The following METTL3 variants were observed in gnomAD, a reference collection of about 807,000 sequenced individuals.
METTL3 encodes methyltransferase 3, N6-adenosine-methyltransferase complex catalytic subunit.
METTL3 carries 42 observed loss-of-function variants against 64.3 expected under a neutral mutation model. That is an observed-to-expected ratio of 0.65 (90% CI 0.51 to 0.84). The LOEUF (loss-of-function observed/expected upper bound fraction) is 0.84. Ranked by LOEUF, METTL3 falls within the 40% of genes least tolerant of loss-of-function variation. The pLI is 0.00. For synonymous variants in METTL3, 256 were observed against 263.6 expected, an observed-to-expected ratio of 0.97 and a Z score of 0.28; for missense variants, 435 against 722.3, an observed-to-expected ratio of 0.60 and a Z score of 4.56.
chr14:21,509,827 A>G (rs1891789425), intron 1 of METTL3, among the ~76,000 whole-genome samples: 1 of 152,258 alleles, frequency 6.6e-6, no homozygotes. Context: ...TAAATCAATG[A>G]AGTTTCTAGA....
chr14:21,502,038 G>A (rs967293493), intron 3 of METTL3, 135 bp from the exon 4 acceptor site: 5 of 641,348 alleles, frequency 7.8e-6, no homozygotes, highest in Non-Finnish European at 1.2e-5. Flanking sequence ...TTTTTTAAGA[G>A]ATGGGATCTT....
chr14:21,498,503 T>A, intron 10 of METTL3, 134 bp from the exon 11 acceptor site: 1 of 769,730 alleles, frequency 1.3e-6, no homozygotes, highest in Non-Finnish European at 2.1e-6. Context: ...AGCTTAACAT[T>A]AGAATAGTAT....
At chr14:21,507,376 G>A (rs1397862652) in intron 1 of METTL3, among the ~76,000 whole-genome samples, 1 of 152,044 alleles carries the variant, frequency 6.6e-6, no homozygotes, top group Non-Finnish European at 1.5e-5. Flanking sequence ...AAAACAAGGT[G>A]TGGCCGGGCG....
chr14:21,504,715 G>A (rs1336422372), intron 1 of METTL3: 1 of 152,008 alleles, frequency 6.6e-6, no homozygotes, highest in Non-Finnish European at 1.5e-5. Context: ...TGGATCACTT[G>A]AGGTGAGGAG....
intron 1 of METTL3, chr14:21,504,274 G>A (rs1891643679): frequency 1.0e-5 from 2 of 193,842 alleles, no homozygotes; most frequent in East Asian, 1.3e-4. Flanking sequence ...GGCATGTAGT[G>A]TGAATTTTAA....
chr14:21,505,376 A>T (rs1891672589), intron 1 of METTL3, among the ~76,000 whole-genome samples: 1 of 152,214 alleles, frequency 6.6e-6, no homozygotes, highest in African/African-American at 2.4e-5. Context: ...ACAAGTTGGT[A>T]TTGACTTTTC....
chr14:21,504,084 T>C, intron 1 of METTL3: 3 of 568,494 alleles, frequency 5.3e-6, no homozygotes, highest in Non-Finnish European at 9.4e-6. Context: ...GGATTTTCTA[T>C]CTACCTTTTC....
chr14:21,501,655 A>T (rs1201480375), intron 4 of METTL3, 73 bp downstream of exon 4: 8 of 1,586,170 alleles, frequency 5.0e-6, no homozygotes, highest in Admixed American at 3.4e-5. Context: ...AACCCCAATG[A>T]CTGGAAGGAA....
chr14:21,503,849 T>C lies in METTL3; in HGVS notation c.133A>G (p.Thr45Ala), dbSNP rs1031213111. 11 of 1,614,098 alleles carry C rather than the reference T, an allele frequency of 6.8e-6. No homozygotes were observed. ...LRNPEAALSP[T>A]FRSDSPVPTA... is the part of the protein sequence containing the mutation. ...GGCACTGGGCTGTCACTACGGAAGG[T>C]TGGAGACAATGCTGCCTCTGGATTC... The change falls in exon 2 of 11, where the codon ACC becomes GCC. Residue 45 changes from threonine to alanine, a missense_variant. By Grantham distance (58) the Thr-to-Ala change is moderately conservative. Coordinates refer to ENST00000298717, the MANE Select transcript of METTL3 (RefSeq NM_019852.5).
At chr14:21,499,621 C>T (rs1369809967) in intron 7 of METTL3, 21 bp from the exon 8 acceptor site, 2 of 1,609,908 alleles carry the variant, frequency 1.2e-6, no homozygotes, top group Admixed American at 3.3e-5. Flanking sequence ...TAAAAAAGAA[C>T]TAGAATTTTA....
intron 1 of METTL3, chr14:21,504,412 T>C (rs1233545318): frequency 1.3e-5 from 2 of 154,644 alleles, no homozygotes; most frequent in Non-Finnish European, 2.9e-5. Flanking sequence ...AAATGATATT[T>C]CCTGACTATA....
At chr14:21,508,971 C>A (rs1891764479) in intron 1 of METTL3, among the ~76,000 whole-genome samples, 1 of 152,164 alleles carries the variant, frequency 6.6e-6, no homozygotes, top group Non-Finnish European at 1.5e-5. Flanking sequence ...AGAGGATGGC[C>A]TGTCACAAAA....
At position 21,499,719 on chromosome 14, in the gene METTL3, G is replaced by C. The variant is rs754054029; in HGVS notation, c.1343+45C>G. On this transcript the variant is annotated intron_variant, in intron 7 of 10. Transcript: ENST00000298717. ...GGGAGAAGAGAACATGTATCTCACT[G>C]TAACAGTATTACCCTCAAAAGAAAG... The C allele has an allele frequency of 7.5e-6, 12 of 1,594,422 alleles. No homozygotes were observed. The South Asian group carries it at 1.3e-4, about 18-fold the overall frequency.
chr14:21,511,284 C>CTA lies in METTL3; in HGVS notation c.-62_-61insTA. ...CGCGGCGGACTAGCACCTCCCAGCACTCGCTCCAGGATATAGCCAATTCTC... is the reference window on the plus strand; with the variant it reads ...CGCGGCGGACTAGCACCTCCCAGCACTATCGCTCCAGGATATAGCCAATTCTC... On this transcript the variant is annotated 5_prime_UTR_variant, in exon 1 of 11. Transcript: ENST00000298717. 1 of 1,569,580 alleles carries CTA rather than the reference C, an allele frequency of 6.4e-7. No individual in the cohort carries two copies. Among genetic ancestry groups the CTA allele is most frequent in the Non-Finnish European group, 8.6e-7 (1 of 1,157,860 alleles).
chr14:21,503,982 A>G, intron 1 of METTL3, 101 bp from the exon 2 acceptor site: 5 of 1,103,870 alleles, frequency 4.5e-6, no homozygotes, highest in Non-Finnish European at 6.4e-6. Flanking sequence ...CAGATCTTTC[A>G]TTTTGTGCAG....
In METTL3 at chr14:21,500,646, TACTG is replaced by T; in HGVS notation, c.1149_1152del (p.Ile385TrpfsTer7). 1.2e-6 allele frequency: 2 copies of T among 1,614,134 alleles called. No individual in the cohort carries two copies. Reference sequence around the variant, plus strand: ...ATCACAACTGCAAACTTGCCCAAGATACTGACGTCCAGGTAGCGGATATCACAAC... The same window carrying T: ...ATCACAACTGCAAACTTGCCCAAGATACGTCCAGGTAGCGGATATCACAAC... On this transcript the variant is annotated frameshift_variant, in exon 6 of 11. Transcript: ENST00000298717. LOFTEE classifies it high-confidence loss of function.
At position 21,511,226 on chromosome 14, in the gene METTL3, T is replaced by TA; in HGVS notation, c.-4dup. 2 of 1,613,242 alleles carry TA rather than the reference T, an allele frequency of 1.2e-6. 1 individual carries two copies. Among genetic ancestry groups the TA allele is most frequent in the South Asian group, 2.2e-5 (2 of 90,874 alleles). On this transcript the variant is annotated 5_prime_UTR_variant, in exon 1 of 11. Transcript: ENST00000298717. ...ATAGAGCTCCACGTGTCCGACATCC[T>TA]AGTCTCCCAGCCCTGACACCTCTCG...
At chr14:21,501,974 T>C (rs1329926946) in intron 3 of METTL3, 71 bp from the exon 4 acceptor site, 2 of 1,376,768 alleles carry the variant, frequency 1.5e-6, no homozygotes, top group East Asian at 4.6e-5. Flanking sequence ...ACTCCGCAAA[T>C]TCTTTTTGAC....
At chr14:21,506,852 T>C (rs1178898298) in intron 1 of METTL3, among the ~76,000 whole-genome samples, 4 of 152,170 alleles carry the variant, frequency 2.6e-5, no homozygotes, top group Admixed American at 2.6e-4. Flanking sequence ...CAAAACCCTG[T>C]TGGGCGTTTT....
Sources: allele counts gnomAD v4.1 joint callset (sites outside exome capture counted in the v4.1 genomes callset), GRCh38; gene constraint gnomAD v4.1.1; transcripts MANE v1.5; gene names NCBI Gene and HGNC (gene_info 2026-07-23, HGNC 2026-07-21).